The following ZFR variants were observed in gnomAD, a reference collection of about 807,000 sequenced individuals.
ZFR encodes zinc finger RNA binding protein, also known as zinc finger RNA-binding protein.
A neutral mutation model predicts 130.7 loss-of-function variants in ZFR; 19 were observed. The observed-to-expected ratio is 0.15, with a 90% CI of 0.10 to 0.21. ZFR has a LOEUF of 0.21. Ranked by LOEUF, ZFR falls within the 10% of genes least tolerant of loss-of-function variation. ZFR has a pLI of 1.00. For missense variants in ZFR, 872 were observed against 1,321.5 expected, an observed-to-expected ratio of 0.66 and a Z score of 5.27; for synonymous variants, 466 against 456.9, an observed-to-expected ratio of 1.02 and a Z score of -0.25.
At chr5:32,395,556 A>G (rs144899803) in intron 10 of ZFR, among the ~76,000 whole-genome samples, 60 of 152,298 alleles carry the variant, frequency 3.9e-4, no homozygotes, top group African/African-American at 1.4e-3. Context: ...AAACTAATGG[A>G]TATTTAATTT....
chr5:32,419,527 G>A (rs1040601366), intron 3 of ZFR, among the ~76,000 whole-genome samples: 7 of 152,068 alleles, frequency 4.6e-5, no homozygotes, highest in Non-Finnish European at 7.4e-5. Flanking sequence ...TAGCAGAGAC[G>A]GGGTTTCGCC....
chr5:32,421,940 T>C (rs1257993112), intron 2 of ZFR, among the ~76,000 whole-genome samples: 1 of 152,122 alleles, frequency 6.6e-6, no homozygotes, highest in East Asian at 1.9e-4. Context: ...GTCATACTTT[T>C]CCAAAATTCC....
chr5:32,381,504 A>C (rs1259859609), intron 15 of ZFR, among the ~76,000 whole-genome samples: 1 of 152,166 alleles, frequency 6.6e-6, no homozygotes, highest in East Asian at 1.9e-4. Context: ...ACAGTTTAAT[A>C]ATCGAATATA....
At chr5:32,367,463 AG>A (rs1356499198) in intron 17 of ZFR, among the ~76,000 whole-genome samples, 59 of 23,242 alleles carry the variant, frequency 2.5e-3, no homozygotes, top group South Asian at 8.9e-3. Flanking sequence ...AAATAAATAA[AG>A]TAAATAAATA....
chr5:32,386,710 AG>A (rs1324579010), intron 14 of ZFR, among the ~76,000 whole-genome samples: 1 of 152,130 alleles, frequency 6.6e-6, no homozygotes, highest in African/African-American at 2.4e-5. Context: ...AACAAGCAAC[AG>A]TAAGTGCAGA....
At chr5:32,385,371 G>A (rs534692447) in intron 15 of ZFR, 137 bp downstream of exon 15, 13 of 962,558 alleles carry the variant, frequency 1.4e-5, no homozygotes, top group African/African-American at 1.3e-4. Flanking sequence ...AGGCAAAACC[G>A]GTTGCTAAAT....
chr5:32,406,963 T>C lies in ZFR; in HGVS notation c.843A>G (p.Gln281=), dbSNP rs775272706. The change falls in exon 6 of 20, where the codon CAA becomes CAG. Residue 281 remains glutamine (Q), a synonymous_variant. Coordinates refer to ENST00000265069, the MANE Select transcript of ZFR (RefSeq NM_016107.5). ...CCTGCTTCTGTTGCTGCTGCTGCTGTTGATAGTAGGAAGATGCAGCTGAAT... is the reference window on the plus strand; with the variant it reads ...CCTGCTTCTGTTGCTGCTGCTGCTGCTGATAGTAGGAAGATGCAGCTGAAT... The part of the protein sequence containing the change: ...AVYSAASSYY[Q]QQQQQQKQAA... 10 of 1,590,828 alleles carry C rather than the reference T, an allele frequency of 6.3e-6. No homozygotes were observed. Among genetic ancestry groups the C allele is most frequent in the African/African-American group, 4.1e-5 (3 of 73,032 alleles).
At chr5:32,386,507 A>C (rs1581690143) in intron 14 of ZFR, among the ~76,000 whole-genome samples, 1 of 152,268 alleles carries the variant, frequency 6.6e-6, no homozygotes, top group Non-Finnish European at 1.5e-5. Context: ...AATTAGGATC[A>C]AGATGTTTCT....
At chr5:32,376,979 C>A (rs61001301) in intron 17 of ZFR, among the ~76,000 whole-genome samples, 140,758 of 147,678 alleles carry the variant, frequency 0.95, 67,139 homozygotes, top group African/African-American at 0.98. Flanking sequence ...TGAAAAAAAA[C>A]CCCTGTCTCT....
chr5:32,432,898 G>GTT (rs35127723), intron 2 of ZFR, among the ~76,000 whole-genome samples: 2 of 141,126 alleles, frequency 1.4e-5, no homozygotes, highest in Non-Finnish European at 3.1e-5. Flanking sequence ...CTGGCTAATT[G>GTT]TTTTTTTTTT....
intron 2 of ZFR, among the ~76,000 whole-genome samples, chr5:32,442,370 A>G (rs1754493146): frequency 6.6e-6 from 1 of 152,236 alleles, no homozygotes; most frequent in Non-Finnish European, 1.5e-5. Flanking sequence ...CTAAAATCTC[A>G]GAATTCACTA....
chr5:32,439,883 A>G (rs973101698), intron 2 of ZFR, among the ~76,000 whole-genome samples: 2 of 149,072 alleles, frequency 1.3e-5, no homozygotes, highest in African/African-American at 4.9e-5. Flanking sequence ...GGATTATTTT[A>G]TAACGTTTAT....
At chr5:32,441,243 C>T (rs1311515980) in intron 2 of ZFR, among the ~76,000 whole-genome samples, 3 of 152,202 alleles carry the variant, frequency 2.0e-5, no homozygotes, top group Non-Finnish European at 2.9e-5. Context: ...TCCCAATGTG[C>T]TGGGATTACA....
At chr5:32,432,820 C>T (rs1426035102) in intron 2 of ZFR, among the ~76,000 whole-genome samples, 1 of 151,970 alleles carries the variant, frequency 6.6e-6, no homozygotes, top group African/African-American at 2.4e-5. Context: ...CCTCAACATC[C>T]CCAGCTCACG....
intron 15 of ZFR, 187 bp from the exon 16 acceptor site, chr5:32,380,359 T>C: frequency 4.4e-6 from 2 of 453,890 alleles, no homozygotes; most frequent in Non-Finnish European, 8.0e-6. Flanking sequence ...GGTTAACTTA[T>C]TAATTTAGTA....
chr5:32,410,407 G>A (rs1319046823), intron 5 of ZFR, among the ~76,000 whole-genome samples: 4 of 151,582 alleles, frequency 2.6e-5, no homozygotes, highest in Non-Finnish European at 4.4e-5. Flanking sequence ...TCAGGAGTTC[G>A]AGACCAGCCT....
At position 32,405,871 on chromosome 5, in the gene ZFR, A is replaced by C. The variant is rs749750388; in HGVS notation, c.1032+903T>G. On this transcript the variant is annotated intron_variant, in intron 6 of 19. Coordinates refer to ENST00000265069, the MANE Select transcript of ZFR (RefSeq NM_016107.5). Reference sequence around the variant, plus strand: ...TTAAAATGTTCTGTAATTTGGTATAACTCAGGGAATGTTAGAAACTGAAAA... The same window carrying C: ...TTAAAATGTTCTGTAATTTGGTATACCTCAGGGAATGTTAGAAACTGAAAA... Among the ~76,000 whole-genome samples the C allele has an allele frequency of 9.8e-5, 15 of 152,320 alleles. No homozygotes were observed. The South Asian group carries it at 1.0e-3, about 11-fold the overall frequency.
At chr5:32,405,913 G>C (rs1753570791) in intron 6 of ZFR, among the ~76,000 whole-genome samples, 1 of 152,176 alleles carries the variant, frequency 6.6e-6, no homozygotes, top group South Asian at 2.1e-4. Flanking sequence ...CCAAAATTCA[G>C]AAGTAGAGAA....
chr5:32,409,617 G>C (rs1471405237), intron 5 of ZFR, among the ~76,000 whole-genome samples: 1 of 152,022 alleles, frequency 6.6e-6, no homozygotes, highest in Non-Finnish European at 1.5e-5. Flanking sequence ...TGGTGGCCAG[G>C]GTGGTCTGAA....
Sources: gnomAD v4.1 joint callset for allele counts (sites outside exome capture counted in the v4.1 genomes callset) on GRCh38, gnomAD v4.1.1 for gene constraint, MANE v1.5 for transcripts, NCBI Gene and HGNC (gene_info 2026-07-23, HGNC 2026-07-21) for gene names.